JPH1: variants seen among roughly 807,000 people sequenced by gnomAD.
JPH1 encodes junctophilin-1.
JPH1 carries 12 observed loss-of-function variants against 53.6 expected under a neutral mutation model. The observed-to-expected ratio is 0.22, with a 90% confidence interval of 0.14 to 0.36. The LOEUF (loss-of-function observed/expected upper bound fraction) is 0.36, where lower values mean the gene tolerates loss of function less well. JPH1 is among the 10% of genes least tolerant of loss of function. The probability of loss-of-function intolerance (pLI) is 1.00; values close to 1 mark genes in which losing one functional copy is unlikely to be tolerated. For missense variants in JPH1, 808 were observed against 905.5 expected (o/e 0.89, Z 1.38); for synonymous variants, 375 against 363.8 (o/e 1.03, Z -0.35).
chr8:74,242,698 T>C lies in JPH1; in HGVS notation c.1905+1831A>G, dbSNP rs117820045. ...AATTATTAGAATCTTCGCGTGAAGG[T>C]GTCAAGTCGGTCTTGAATTTTGCAG... On this transcript the variant is annotated intron_variant, in intron 4 of 5. Transcript: ENST00000342232. Among the ~76,000 whole-genome samples, 1,252 of 152,318 alleles carry C rather than the reference T, an allele frequency of 8.2e-3. 18 individuals carry two copies. Among genetic ancestry groups the C allele is most frequent in the Non-Finnish European group, 0.012 (826 of 68,024 alleles).
chr8:74,305,816 C>T (rs1807815476), intron 2 of JPH1, among the ~76,000 whole-genome samples: 1 of 152,142 alleles, frequency 6.6e-6, no homozygotes, highest in Admixed American at 6.5e-5. Flanking sequence ...TTTTTAAAAC[C>T]ATGTTTTTTA....
intron 2 of JPH1, among the ~76,000 whole-genome samples, chr8:74,298,270 T>C (rs1300705865): frequency 2.0e-5 from 3 of 152,262 alleles, no homozygotes; most frequent in Non-Finnish European, 4.4e-5. Flanking sequence ...CTTATGCTCT[T>C]AGCTAATTGT....
chr8:74,283,151 G>T (rs16938850), intron 2 of JPH1, among the ~76,000 whole-genome samples: 2,878 of 152,146 alleles, frequency 0.019, 97 homozygotes, highest in African/African-American at 0.066. Flanking sequence ...TGCACCAGGG[G>T]TACATATGGC....
chr8:74,294,064 C>T (rs909870385), intron 2 of JPH1, among the ~76,000 whole-genome samples: 2 of 152,128 alleles, frequency 1.3e-5, no homozygotes, highest in South Asian at 4.1e-4. Flanking sequence ...TCTGGTCTGT[C>T]CTTGGGGGCT....
intron 2 of JPH1, among the ~76,000 whole-genome samples, chr8:74,277,549 C>T (rs1227778517): frequency 2.0e-5 from 3 of 152,206 alleles, no homozygotes; most frequent in Non-Finnish European, 4.4e-5. Context: ...CAATCCATTT[C>T]TATGGTGGTT....
At chr8:74,317,765 C>T (rs556645339) in intron 1 of JPH1, among the ~76,000 whole-genome samples, 29 of 152,264 alleles carry the variant, frequency 1.9e-4, no homozygotes, top group African/African-American at 7.0e-4. Context: ...CACAGCCATA[C>T]CATCTTGGTA....
chr8:74,294,665 C>T (rs1807450720), intron 2 of JPH1, among the ~76,000 whole-genome samples: 1 of 152,162 alleles, frequency 6.6e-6, no homozygotes, highest in Non-Finnish European at 1.5e-5. Context: ...TATAAATTTC[C>T]TGAAGGATAG....
intron 2 of JPH1, among the ~76,000 whole-genome samples, chr8:74,282,037 C>CG (rs1472790257): frequency 1.3e-5 from 2 of 152,198 alleles, no homozygotes; most frequent in East Asian, 3.8e-4. Flanking sequence ...GATCACTATG[C>CG]ATCAGGCATT....
chr8:74,238,799 C>T (rs542850860), intron 4 of JPH1, among the ~76,000 whole-genome samples: 22 of 152,144 alleles, frequency 1.4e-4, no homozygotes, highest in Admixed American at 8.5e-4. Context: ...CTGAGACCAA[C>T]AGTGCGTGCT....
At chr8:74,316,962 A>G (rs888138340) in intron 1 of JPH1, among the ~76,000 whole-genome samples, 1 of 152,260 alleles carries the variant, frequency 6.6e-6, no homozygotes, top group African/African-American at 2.4e-5. Flanking sequence ...ATTCATAACA[A>G]TTCACAATGT....
At position 74,321,006 on chromosome 8, in the gene JPH1, G is replaced by T; in HGVS notation, c.282C>A (p.Tyr94Ter). 6.2e-7 allele frequency: 1 copy of T among 1,612,744 alleles called. No homozygotes were observed. Among genetic ancestry groups the T allele is most frequent in the Non-Finnish European group, 8.5e-7 (1 of 1,179,484 alleles). The change falls in exon 1 of 6, where the codon TAC becomes TAA. Residue 94 changes from tyrosine to a stop codon, truncating the protein, a stop_gained. Coordinates refer to ENST00000342232, the MANE Select transcript of JPH1 (RefSeq NM_020647.4). LOFTEE classifies it high-confidence loss of function. This position sits in a 1 kb window ranked among gnomAD's most constrained non-coding sequence, Gnocchi z 4.3. The stretch of plus-strand genomic sequence containing the variant: ...GGGTGCACAGGCTCTGCCGGACCCC[G>T]TAGCGCCCCTTGAAACCATGTGACC... ...GEWSHGFKGRYGVRQSLCTPA... is the reference protein window; with the variant it reads ...GEWSHGFKGR
intron 2 of JPH1, among the ~76,000 whole-genome samples, chr8:74,262,956 T>C (rs1381959015): frequency 6.6e-6 from 1 of 152,268 alleles, no homozygotes; most frequent in Non-Finnish European, 1.5e-5. Context: ...TTGATGAGTA[T>C]CTGAGGTTTT....
At chr8:74,316,357 A>G (rs1211702848) in intron 1 of JPH1, among the ~76,000 whole-genome samples, 3 of 152,216 alleles carry the variant, frequency 2.0e-5, no homozygotes, top group Non-Finnish European at 4.4e-5. Flanking sequence ...GTGCCGTATC[A>G]TTTGCCAAAT....
rs1480192885 is a variant in JPH1, at chr8:74,320,379, C to T, written c.379+530G>A. Among the ~76,000 whole-genome samples, 1 of 152,154 alleles carries T rather than the reference C, an allele frequency of 6.6e-6. No homozygotes were observed. Among genetic ancestry groups the T allele is most frequent in the Non-Finnish European group, 1.5e-5 (1 of 68,030 alleles). On this transcript the variant is annotated intron_variant, in intron 1 of 5. Coordinates refer to ENST00000342232, the MANE Select transcript of JPH1 (RefSeq NM_020647.4). This position sits in a 1 kb window ranked among gnomAD's most constrained non-coding sequence, Gnocchi z 4.4. ...TCCCCAACATCCTAGTTACGGGGTT[C>T]TGGCTTCTATCTTTAGGCTACTGGA...
intron 2 of JPH1, among the ~76,000 whole-genome samples, chr8:74,281,081 G>T (rs1033771662): frequency 2.6e-5 from 4 of 152,200 alleles, no homozygotes. Flanking sequence ...TAATTAAAAT[G>T]TTATGGGGAA....
intron 3 of JPH1, among the ~76,000 whole-genome samples, chr8:74,246,103 T>C (rs1805853846): frequency 1.3e-5 from 2 of 152,108 alleles, no homozygotes; most frequent in South Asian, 2.1e-4. Flanking sequence ...CAGCAAGTCA[T>C]GTGCGTACTT....
At position 74,252,308 on chromosome 8, in the gene JPH1, T is replaced by C. The variant is rs188103120; in HGVS notation, c.1258+7077A>G. 8.8e-3 allele frequency among the ~76,000 whole-genome samples: 1,334 copies of C among 152,164 alleles called. 20 individuals are homozygous for C. Among genetic ancestry groups the C allele is most frequent in the South Asian group, 0.023 (113 of 4,814 alleles). On this transcript the variant is annotated intron_variant, in intron 3 of 5. Transcript: ENST00000342232. ...CACCAAAAGCAATGGCAACAAAAGCTAAAACTGACAAATGGGATCTATTTA... is the reference window on the plus strand; with the variant it reads ...CACCAAAAGCAATGGCAACAAAAGCCAAAACTGACAAATGGGATCTATTTA...
intron 2 of JPH1, among the ~76,000 whole-genome samples, chr8:74,293,748 T>G (rs1807409413): frequency 6.6e-6 from 1 of 152,200 alleles, no homozygotes; most frequent in Non-Finnish European, 1.5e-5. Flanking sequence ...CCACTTCTCC[T>G]TCCAGGACCA....
rs558497075 is a variant in JPH1, at chr8:74,245,059, C to T, written c.1375G>A (p.Gly459Ser). The T allele has an allele frequency of 6.2e-7, 1 of 1,613,580 alleles. No homozygotes were observed. The highest frequency in any genetic ancestry group is 2.2e-5 in the East Asian group (1 of 44,850). Residue 459 changes from glycine (G) to serine (S), a missense_variant, in exon 4 of 6, where the codon GGC becomes AGC. Physicochemically the swap from Gly to Ser is moderately conservative, Grantham distance 56. Transcript: ENST00000342232. The part of the protein sequence containing the change: ...PKESPHFYRK[G>S]TTPPRSPEAS... ...TCAGGAGATCTTGGGGGTGTCGTGCCTTTGCGATAAAAATGAGGAGACTCC... is the reference window on the plus strand; with the variant it reads ...TCAGGAGATCTTGGGGGTGTCGTGCTTTTGCGATAAAAATGAGGAGACTCC...
Sources: gnomAD v4.1 joint callset for allele counts (sites outside exome capture counted in the v4.1 genomes callset) on GRCh38, gnomAD v4.1.1 for gene constraint, Gnocchi (gnomAD v3.1) non-coding constraint, MANE v1.5 for transcripts, NCBI Gene and HGNC (gene_info 2026-07-23, HGNC 2026-07-21) for gene names.